ITPR2: variants seen among roughly 807,000 people sequenced by gnomAD.
The protein encoded by ITPR2 is inositol 1,4,5-trisphosphate receptor type 2.
In ITPR2, 207 loss-of-function variants were observed where a neutral mutation model predicts 317.1. The observed-to-expected ratio is 0.65, with a 90% CI of 0.58 to 0.73. The LOEUF is 0.73. ITPR2 is among the 30% of genes least tolerant of loss of function. The pLI, the probability that ITPR2 is intolerant of heterozygous loss-of-function variation, is 0.00. For missense variants in ITPR2, 2,613 were observed against 3,284.0 expected (o/e 0.80, Z 4.99); for synonymous variants, 1,156 against 1,149.1 (o/e 1.01, Z -0.12).
At chr12:26,726,229 T>C (rs1050644036) in intron 2 of ITPR2, among the ~76,000 whole-genome samples, 2 of 152,132 alleles carry the variant, frequency 1.3e-5, no homozygotes, top group Admixed American at 6.6e-5. Flanking sequence ...ACTCCCCAAG[T>C]TTCCAAATAC....
intron 2 of ITPR2, among the ~76,000 whole-genome samples, chr12:26,772,948 C>T (rs951934827): frequency 3.3e-5 from 5 of 152,042 alleles, no homozygotes; most frequent in Middle Eastern, 3.4e-3. Context: ...TTTTCCCCTC[C>T]GTGTGTCCAT....
chr12:26,516,889 G>GA (rs1013044813), intron 37 of ITPR2, among the ~76,000 whole-genome samples: 8 of 151,026 alleles, frequency 5.3e-5, no homozygotes, highest in Non-Finnish European at 7.4e-5. Context: ...GAACGTAAAA[G>GA]AAAAAAAAGA....
Position 26,339,339 on chromosome 12 carries a change from T to C in ITPR2, c.*58A>G. ...TTCACTCCCCTCCATCTCAGTTCTT[T>C]ATTCAGTGATCAGGCAGGACACTGA... On this transcript the variant is annotated 3_prime_UTR_variant, in exon 57 of 57. Transcript: ENST00000381340. 1 of 1,440,178 alleles carries C rather than the reference T, an allele frequency of 6.9e-7. No individual in the cohort carries two copies. The highest frequency in any genetic ancestry group is 2.3e-5 in the East Asian group (1 of 44,000). The allele number at this position is 1,440,178 out of a possible 1,614,324, so 89.2% of individuals were successfully genotyped here.
chr12:26,619,918 A>C (rs1946456157), intron 26 of ITPR2, among the ~76,000 whole-genome samples: 1 of 152,216 alleles, frequency 6.6e-6, no homozygotes, highest in Non-Finnish European at 1.5e-5. Context: ...AATAAAAATA[A>C]AACTTAGAGA....
chr12:26,780,088 A>T (rs1245971365), intron 2 of ITPR2, among the ~76,000 whole-genome samples: 37 of 152,204 alleles, frequency 2.4e-4, no homozygotes, highest in Admixed American at 2.2e-3. Context: ...CAATGGGCCC[A>T]TGAACAAAGT....
chr12:26,653,241 CTTTTTTTTT>C (rs774729786), intron 21 of ITPR2, among the ~76,000 whole-genome samples: 1 of 103,578 alleles, frequency 9.7e-6, no homozygotes, highest in Non-Finnish European at 1.9e-5. Flanking sequence ...TTGAATCTTT[CTTTTTTTTT>C]TTTTTTTTTT....
chr12:26,656,002 G>A (rs1345526158), intron 19 of ITPR2, 150 bp from the exon 20 acceptor site: 1 of 783,770 alleles, frequency 1.3e-6, no homozygotes, highest in Non-Finnish European at 2.0e-6. Context: ...TGGGGCTATT[G>A]TGAAATGAGT....
At chr12:26,810,589 G>T (rs1460866490) in intron 1 of ITPR2, among the ~76,000 whole-genome samples, 1 of 152,188 alleles carries the variant, frequency 6.6e-6, no homozygotes, top group Non-Finnish European at 1.5e-5. Flanking sequence ...CATTCCAAGC[G>T]TTGCCTAAAG....
chr12:26,421,773 C>A (rs1329234945), intron 49 of ITPR2, among the ~76,000 whole-genome samples: 1 of 152,160 alleles, frequency 6.6e-6, no homozygotes, highest in African/African-American at 2.4e-5. Flanking sequence ...AGTCAACACA[C>A]AAATTTCAAT....
At chr12:26,596,646 C>CAAA (rs35579016) in intron 31 of ITPR2, among the ~76,000 whole-genome samples, 2 of 87,434 alleles carry the variant, frequency 2.3e-5, no homozygotes, top group Admixed American at 1.3e-4. Flanking sequence ...AACTCTGTCT[C>CAAA]AAAAAAAAAA....
intron 37 of ITPR2, 43 bp from the exon 38 acceptor site, chr12:26,495,303 T>G: frequency 1.8e-6 from 2 of 1,103,736 alleles, no homozygotes; most frequent in Non-Finnish European, 2.7e-6. Context: ...CCTTTTCTAA[T>G]AAAAGTGAAA....
intron 48 of ITPR2, among the ~76,000 whole-genome samples, chr12:26,435,745 CATTT>C (rs1393919893): frequency 1.3e-5 from 2 of 152,052 alleles, no homozygotes; most frequent in African/African-American, 4.8e-5. Flanking sequence ...AGATGATAAA[CATTT>C]AATTATCTTA....
rs56973536 is a variant in ITPR2, at chr12:26,710,699, C to G, written c.951+474G>C. Among the ~76,000 whole-genome samples, 406 of 152,216 alleles carry G rather than the reference C, an allele frequency of 2.7e-3. 15 individuals carry two copies. In the East Asian group the frequency reaches 0.067, roughly 25 times the overall value. ...AGAAAAAGCTTTTGTACGTTTTTAC[C>G]ATTTTATTGACAGTTTTACGAAGAA... On this transcript the variant is annotated intron_variant, in intron 9 of 56. Coordinates refer to ENST00000381340, the MANE Select transcript of ITPR2 (RefSeq NM_002223.4).
At chr12:26,535,043 AC>A (rs2136968103) in intron 37 of ITPR2, among the ~76,000 whole-genome samples, 2 of 152,304 alleles carry the variant, frequency 1.3e-5, no homozygotes, top group Non-Finnish European at 2.9e-5. Flanking sequence ...TTGAGTTCTC[AC>A]CATAAATAAA....
intron 45 of ITPR2, among the ~76,000 whole-genome samples, chr12:26,447,197 T>C (rs1350941531): frequency 2.0e-5 from 3 of 152,086 alleles, no homozygotes; most frequent in South Asian, 4.1e-4. Context: ...TAATAACATA[T>C]ATTTATGCGT....
chr12:26,387,075 C>T (rs1939688384), intron 55 of ITPR2, among the ~76,000 whole-genome samples: 1 of 152,190 alleles, frequency 6.6e-6, no homozygotes, highest in Admixed American at 6.5e-5. Flanking sequence ...TATGAATCTT[C>T]TGTTCATATT....
chr12:26,731,230 G>A (rs984688098), intron 2 of ITPR2, among the ~76,000 whole-genome samples: 49 of 152,106 alleles, frequency 3.2e-4, no homozygotes, highest in Non-Finnish European at 1.0e-4. Context: ...GCTCTTTCAC[G>A]GTAGCCTGTA....
chr12:26,772,487 A>G (rs1261476447), intron 2 of ITPR2, among the ~76,000 whole-genome samples: 3 of 96,050 alleles, frequency 3.1e-5, no homozygotes, highest in Non-Finnish European at 7.7e-5. Flanking sequence ...TAATATATAT[A>G]ATACATATAA....
At chr12:26,703,294 A>G (rs894522147) in intron 9 of ITPR2, among the ~76,000 whole-genome samples, 1 of 152,224 alleles carries the variant, frequency 6.6e-6, no homozygotes, top group Non-Finnish European at 1.5e-5. Context: ...AGAGATCTCA[A>G]TGTCCCAGAG....
Sources: gnomAD v4.1 joint callset for allele counts (sites outside exome capture counted in the v4.1 genomes callset) on GRCh38, gnomAD v4.1.1 for gene constraint, MANE v1.5 for transcripts, NCBI Gene and HGNC (gene_info 2026-07-23, HGNC 2026-07-21) for gene names.